Variants in STAP1 observed in about 807,000 individuals in gnomAD.
STAP1 encodes signal transducing adaptor family member 1, also known as signal-transducing adaptor protein 1.
In STAP1, 30 loss-of-function variants were observed where a neutral mutation model predicts 37.8. That is an observed-to-expected ratio of 0.79 (90% CI 0.59 to 1.08). The LOEUF (loss-of-function observed/expected upper bound fraction) is 1.08, where lower values mean the gene tolerates loss of function less well. Ranked by LOEUF, STAP1 falls within the 50% of genes least tolerant of loss-of-function variation. The pLI is 0.00. For synonymous variants in STAP1, 130 were observed against 116.0 expected, an observed-to-expected ratio of 1.12 and a Z score of -0.78; for missense variants, 357 against 349.4, an observed-to-expected ratio of 1.02 and a Z score of -0.17.
Position 67,575,416 on chromosome 4 carries a change from C to G in STAP1, c.224C>G (p.Thr75Arg). 1 of 1,601,590 alleles carries G rather than the reference C, an allele frequency of 6.2e-7. No homozygotes were observed. The highest frequency in any genetic ancestry group is 8.5e-7 in the Non-Finnish European group (1 of 1,176,652). The change falls in exon 3 of 9, where the codon ACA (threonine) becomes AGA (arginine). Residue 75 changes from threonine to arginine, a missense_variant. Transcript: ENST00000265404. ...GACAAATTAGACATAGTAGACCTCACATGCCTTACTGAGCAGAATTCAACT... is the reference window on the plus strand; with the variant it reads ...GACAAATTAGACATAGTAGACCTCAGATGCCTTACTGAGCAGAATTCAACT... ...YVDKLDIVDL[T>R]CLTEQNSTEK...
intron 6 of STAP1, among the ~76,000 whole-genome samples, chr4:67,586,963 C>T (rs755863303): frequency 1.7e-4 from 26 of 152,228 alleles, no homozygotes; most frequent in South Asian, 6.2e-4. Context: ...GAAGTGGATA[C>T]GAAAAATTCA....
At chr4:67,570,849 G>A (rs562308082) in intron 1 of STAP1, among the ~76,000 whole-genome samples, 3 of 152,224 alleles carry the variant, frequency 2.0e-5, no homozygotes, top group Admixed American at 2.0e-4. Flanking sequence ...CAGAAGAATT[G>A]CTTGAGCCTA....
Position 67,606,516 on chromosome 4 carries a change from A to G in STAP1, c.*159A>G. The G allele has an allele frequency of 1.6e-6, 1 of 637,484 alleles. No homozygotes were observed. The highest frequency in any genetic ancestry group is 3.1e-5 in the East Asian group (1 of 32,340). 39.5% of individuals were successfully genotyped at this position (637,484 alleles called of 1,614,324 possible). Reference sequence around the variant, plus strand: ...ATTAAACATTGTACCATACAATTTCATTATCTTATCAGAATGAAACCAATT... The same window carrying G: ...ATTAAACATTGTACCATACAATTTCGTTATCTTATCAGAATGAAACCAATT... On this transcript the variant is annotated 3_prime_UTR_variant, in exon 9 of 9. Transcript: ENST00000265404.
chr4:67,558,746 T>C lies in STAP1; in HGVS notation c.-64T>C. On this transcript the variant is annotated 5_prime_UTR_variant, in exon 1 of 9. Coordinates refer to ENST00000265404, the MANE Select transcript of STAP1 (RefSeq NM_012108.4). ...CTCTTTGAACAGTTGCCTTTTCCTC[T>C]CACAGAAGGAAGATTTCATTTTGTT... 1.3e-6 allele frequency: 2 copies of C among 1,568,208 alleles called. No homozygotes were observed. Among genetic ancestry groups the C allele is most frequent in the East Asian group, 4.5e-5 (2 of 44,184 alleles).
At chr4:67,561,393 A>G (rs543806594) in intron 1 of STAP1, among the ~76,000 whole-genome samples, 32 of 152,330 alleles carry the variant, frequency 2.1e-4, no homozygotes, top group African/African-American at 7.5e-4. Flanking sequence ...CATTCAGAAC[A>G]TTTAAACTAG....
intron 3 of STAP1, among the ~76,000 whole-genome samples, chr4:67,576,168 C>T (rs1727715288): frequency 6.6e-6 from 1 of 152,186 alleles, no homozygotes; most frequent in Non-Finnish European, 1.5e-5. Context: ...GAAACCCCCT[C>T]ACCAAGGCCT....
chr4:67,575,317 G>T (rs751842119), intron 2 of STAP1, 68 bp from the exon 3 acceptor site: 11 of 1,010,216 alleles, frequency 1.1e-5, no homozygotes, highest in Middle Eastern at 2.1e-4. Context: ...TACTTATTTT[G>T]CTTCCTGCTA....
At chr4:67,592,109 A>C (rs1728131143) in intron 7 of STAP1, among the ~76,000 whole-genome samples, 1 of 121,254 alleles carries the variant, frequency 8.2e-6, no homozygotes, top group Admixed American at 9.7e-5. Context: ...ACCCCTCAGT[A>C]AGGTTGTATT....
At position 67,592,774 on chromosome 4, in the gene STAP1, C is replaced by T. The variant is rs140248494; in HGVS notation, c.730-486C>T. Reference sequence around the variant, plus strand: ...ATCACAACTCATGCAGCCTCGAACTCCTGGACTCAAGGAATCCTCCTGCCT... The same window carrying T: ...ATCACAACTCATGCAGCCTCGAACTTCTGGACTCAAGGAATCCTCCTGCCT... On this transcript the variant is annotated intron_variant, in intron 7 of 8. Coordinates refer to ENST00000265404, the MANE Select transcript of STAP1 (RefSeq NM_012108.4). 3.2e-3 allele frequency among the ~76,000 whole-genome samples: 484 copies of T among 152,296 alleles called. 5 individuals carry two copies. Among genetic ancestry groups the T allele is most frequent in the Middle Eastern group, 6.8e-3 (2 of 294 alleles).
At chr4:67,588,382 T>G (rs892698207) in intron 6 of STAP1, among the ~76,000 whole-genome samples, 1 of 152,078 alleles carries the variant, frequency 6.6e-6, no homozygotes, top group Middle Eastern at 3.4e-3. Flanking sequence ...GATGATATGA[T>G]GTCTTTTTTT....
At position 67,588,441 on chromosome 4, in the gene STAP1, G is replaced by A. The variant is rs372273623; in HGVS notation, c.660-2443G>A. On this transcript the variant is annotated intron_variant, in intron 6 of 8. Coordinates refer to ENST00000265404, the MANE Select transcript of STAP1 (RefSeq NM_012108.4). Reference sequence around the variant, plus strand: ...TTTGTTTTTTTTGAGACGGGGCCTCGCTCTGTCTCACAGGCTGGAGTACAG... The same window carrying A: ...TTTGTTTTTTTTGAGACGGGGCCTCACTCTGTCTCACAGGCTGGAGTACAG... Among the ~76,000 whole-genome samples, 8 of 151,820 alleles carry A rather than the reference G, an allele frequency of 5.3e-5. No individual in the cohort carries two copies. In the South Asian group the frequency reaches 1.5e-3, roughly 28 times the overall value.
chr4:67,577,306 A>G (rs1727746617), intron 4 of STAP1, 47 bp downstream of exon 4: 1 of 1,535,760 alleles, frequency 6.5e-7, no homozygotes, highest in Non-Finnish European at 8.9e-7. Context: ...TTTTCAACAA[A>G]TATCTGCTGA....
chr4:67,564,923 A>G (rs954136582), intron 1 of STAP1, among the ~76,000 whole-genome samples: 16 of 152,294 alleles, frequency 1.1e-4, no homozygotes, highest in Middle Eastern at 3.4e-3. Context: ...CTCAAAACAA[A>G]CAAACAAACA....
intron 6 of STAP1, among the ~76,000 whole-genome samples, chr4:67,585,825 T>G (rs975379753): frequency 2.0e-5 from 3 of 152,202 alleles, no homozygotes; most frequent in Non-Finnish European, 4.4e-5. Context: ...GAAAAGTGGA[T>G]TTTTCTCTTT....
At chr4:67,592,286 G>T (rs77721805) in intron 7 of STAP1, among the ~76,000 whole-genome samples, 2 of 152,100 alleles carry the variant, frequency 1.3e-5, no homozygotes, top group East Asian at 1.9e-4. Context: ...GTACCACTGC[G>T]CCTGGCTCAG....
chr4:67,591,990 G>C (rs1728128511), intron 7 of STAP1, among the ~76,000 whole-genome samples: 1 of 152,126 alleles, frequency 6.6e-6, no homozygotes, highest in Non-Finnish European at 1.5e-5. Context: ...TTTGTAACTG[G>C]GTAAACTGGG....
intron 8 of STAP1, among the ~76,000 whole-genome samples, chr4:67,599,642 CTTTTT>C (rs879875528): frequency 6.9e-6 from 1 of 144,426 alleles, no homozygotes; most frequent in South Asian, 2.2e-4. Context: ...TTTTCTTTTT[CTTTTT>C]TTTTTTATTT....
At chr4:67,604,139 T>C (rs988676108) in intron 8 of STAP1, among the ~76,000 whole-genome samples, 10 of 152,240 alleles carry the variant, frequency 6.6e-5, no homozygotes, top group African/African-American at 2.2e-4. Flanking sequence ...TGCTTTCTAC[T>C]GTGACAAGTA....
intron 1 of STAP1, among the ~76,000 whole-genome samples, chr4:67,559,625 T>C (rs1419451658): frequency 6.6e-6 from 1 of 152,070 alleles, no homozygotes; most frequent in African/African-American, 2.4e-5. Context: ...TTTAAAACAG[T>C]AATTATGGAT....
Sources: allele counts gnomAD v4.1 joint callset (sites outside exome capture counted in the v4.1 genomes callset), GRCh38; gene constraint gnomAD v4.1.1; transcripts MANE v1.5; gene names NCBI Gene and HGNC (gene_info 2026-07-23, HGNC 2026-07-21).